Variants in TBC1D10B observed in about 807,000 individuals in gnomAD.
TBC1D10B encodes the protein TBC1 domain family member 10B, also known as Rab27A-GAPbeta.
TBC1D10B carries 25 observed loss-of-function variants against 78.4 expected under a neutral mutation model. The ratio of observed to expected loss-of-function variants is 0.32; its 90% CI spans 0.23 to 0.45. The LOEUF is 0.45. TBC1D10B is among the 20% of genes least tolerant of loss of function. The pLI is 1.00. For missense variants in TBC1D10B, 996 were observed against 1,104.8 expected (o/e 0.90, Z 1.40); for synonymous variants, 517 against 478.0 (o/e 1.08, Z -1.06).
chr16:30,359,635 G>T, intron 5 of TBC1D10B, 32 bp from the exon 6 acceptor site: 1 of 1,556,582 alleles, frequency 6.4e-7, no homozygotes, highest in South Asian at 1.2e-5. Flanking sequence ...AGGAGGGGTG[G>T]GGCCTGAGAA....
chr16:30,363,583 C>T (rs1042851546), intron 4 of TBC1D10B, among the ~76,000 whole-genome samples: 3 of 152,196 alleles, frequency 2.0e-5, no homozygotes, highest in East Asian at 1.9e-4. Flanking sequence ...TGATGAAAAC[C>T]CATCTCTATC....
rs772087591 is a variant in TBC1D10B at position 30,358,286 on chromosome 16, C to G, written c.2085G>C (p.Val695=). Residue 695 remains valine (V), a synonymous_variant, in exon 9 of 9, where the codon GTG becomes GTC. Coordinates refer to ENST00000409939, the MANE Select transcript of TBC1D10B (RefSeq NM_015527.4). Reference sequence around the variant, plus strand: ...ATGGATGCAGTCCCTCAGCAGTGACCACAGGCCCTGGGGCAGGCCCAGCAC... The same window carrying G: ...ATGGATGCAGTCCCTCAGCAGTGACGACAGGCCCTGGGGCAGGCCCAGCAC... ...RASAGPAPGP[V]VTAEGLHPSL... The G allele has an allele frequency of 6.3e-7, 1 of 1,584,338 alleles. No homozygotes were observed. Among genetic ancestry groups the G allele is most frequent in the Non-Finnish European group, 8.6e-7 (1 of 1,165,446 alleles).
At chr16:30,366,268 G>C (rs1433792245) in intron 1 of TBC1D10B, 3 of 152,360 alleles carry the variant, frequency 2.0e-5, no homozygotes, top group Non-Finnish European at 2.9e-5. Flanking sequence ...ACTTTGGGAG[G>C]CCGAGGCAGG....
rs2049674903 is a variant in TBC1D10B at position 30,370,037 on chromosome 16, G to A, written c.147C>T (p.Pro49=). ...CCTCCCCGGGGGCCACCAGGGTGAC[G>A]GGGGCCGAAGTGGCCGTAGTCACTG... ...GPPVTTATSA[P]VTLVAPGEAR... Residue 49 remains proline, a synonymous_variant, in exon 1 of 9, where the codon CCC becomes CCT. Coordinates refer to ENST00000409939, the MANE Select transcript of TBC1D10B (RefSeq NM_015527.4). 1.6e-6 allele frequency: 2 copies of A among 1,230,332 alleles called. No individual in the cohort carries two copies. Among genetic ancestry groups the A allele is most frequent in the Admixed American group, 8.5e-5 (2 of 23,596 alleles). 76.2% of individuals were successfully genotyped at this position (1,230,332 alleles called of 1,614,324 possible).
chr16:30,363,494 G>A (rs987947414), intron 4 of TBC1D10B, among the ~76,000 whole-genome samples: 4 of 152,148 alleles, frequency 2.6e-5, no homozygotes, highest in Non-Finnish European at 4.4e-5. Context: ...AGTGGCTCAC[G>A]CCTGTAATCC....
At position 30,359,934 on chromosome 16, in the gene TBC1D10B, G is replaced by C; in HGVS notation, c.1272-93C>G. ...AGATTCGTCCCAGAGTTTATCACCA[G>C]GCTCCTCCATCCACCTGCCCAGTCC... is the stretch of plus-strand genomic sequence containing the variant. On this transcript the variant is annotated intron_variant, in intron 4 of 8. Coordinates refer to ENST00000409939, the MANE Select transcript of TBC1D10B (RefSeq NM_015527.4). 2.6e-6 allele frequency: 3 copies of C among 1,165,822 alleles called. No homozygotes were observed. In the South Asian group the frequency reaches 4.5e-5, roughly 17 times the overall value. 72.2% of individuals were successfully genotyped at this position (1,165,822 alleles called of 1,614,324 possible).
At chr16:30,368,655 G>C (rs1455781962) in intron 1 of TBC1D10B, among the ~76,000 whole-genome samples, 2 of 152,148 alleles carry the variant, frequency 1.3e-5, no homozygotes, top group Admixed American at 1.3e-4. Flanking sequence ...CTTTACTTCA[G>C]TGCAGATACA....
Position 30,370,062 on chromosome 16 carries a change from G to A in TBC1D10B, c.122C>T (p.Pro41Leu), listed in dbSNP as rs554981185. The change falls in exon 1 of 9, where the codon CCA becomes CTA. Residue 41 changes from proline (P) to leucine (L), a missense_variant. By Grantham distance (98) the Pro-to-Leu change is moderately conservative (BLOSUM62 -3). Around this residue, in one of 5 missense-constraint regions of TBC1D10B, gnomAD observed 448 missense variants for 442.1 expected, o/e 1.01. Transcript: ENST00000409939. ...GPVVVVAPGP[P>L]VTTATSAPVT... ...GGGGGCCGAAGTGGCCGTAGTCACT[G>A]GAGGTCCCGGAGCCACCACCACGAC... The A allele has an allele frequency of 3.2e-5, 39 of 1,227,744 alleles. No individual in the cohort carries two copies. Among genetic ancestry groups the A allele is most frequent in the Non-Finnish European group, 3.8e-5 (37 of 985,374 alleles). 76.1% of individuals were successfully genotyped at this position (1,227,744 alleles called of 1,614,324 possible).
Position 30,365,396 on chromosome 16 carries a change from G to A in TBC1D10B, c.1056+99C>T. The A allele has an allele frequency of 6.9e-7, 1 of 1,440,124 alleles. No homozygotes were observed. The highest frequency in any genetic ancestry group is 9.8e-7 in the Non-Finnish European group (1 of 1,023,306). 89.2% of individuals were successfully genotyped at this position (1,440,124 alleles called of 1,614,324 possible). ...CCAGGGCCCATCTATCCCCAGTGTG[G>A]TCCAGAGGGCAGATATTATCGGCTT... On this transcript the variant is annotated intron_variant, in intron 2 of 8. Transcript: ENST00000409939. The surrounding 1 kb of genome is among the most constrained non-coding windows in gnomAD (Gnocchi z 5.0).
Position 30,365,212 on chromosome 16 carries a change from C to T in TBC1D10B, c.1057G>A (p.Val353Met). The change falls in exon 3 of 9, where the codon GTG becomes ATG. Residue 353 changes from valine (V) to methionine (M), a missense_variant and splice_region_variant. Val to Met is a conservative substitution (Grantham distance 21). Coordinates refer to ENST00000409939, the MANE Select transcript of TBC1D10B (RefSeq NM_015527.4). The surrounding 1 kb of genome is among the most constrained non-coding windows in gnomAD (Gnocchi z 5.0). ...ATCCCCTTCCGGCAGCGCAGCTTCA[C>T]CTAAGGCAAAGTGGCAGGAGGGGGA... ...DKWLSRRFQK[V>M]KLRCRKGIPS... is the part of the protein sequence containing the mutation. 2 of 1,613,790 alleles carry T rather than the reference C, an allele frequency of 1.2e-6. No homozygotes were observed. The highest frequency in any genetic ancestry group is 1.6e-4 in the Middle Eastern group (1 of 6,062).
intron 4 of TBC1D10B, among the ~76,000 whole-genome samples, chr16:30,362,012 A>G (rs914576553): frequency 6.6e-6 from 1 of 151,678 alleles, no homozygotes; most frequent in African/African-American, 2.4e-5. Context: ...ATGCCTGGCT[A>G]ATTTTTTGTA....
chr16:30,361,840 C>T (rs1368138297), intron 4 of TBC1D10B, among the ~76,000 whole-genome samples: 1 of 151,644 alleles, frequency 6.6e-6, no homozygotes, highest in Non-Finnish European at 1.5e-5. Context: ...CACCTGCCAC[C>T]ACACCAAGCT....
chr16:30,357,809 G>C lies in TBC1D10B; in HGVS notation c.*135C>G. On this transcript the variant is annotated 3_prime_UTR_variant, in exon 9 of 9. Transcript: ENST00000409939. Reference sequence around the variant, plus strand: ...GCCCGTGTAGGGATCAGCAGCTGGCGAGGAGATGGGGAACCAAGCCACTTT... The same window carrying C: ...GCCCGTGTAGGGATCAGCAGCTGGCCAGGAGATGGGGAACCAAGCCACTTT... 1 of 1,225,444 alleles carries C rather than the reference G, an allele frequency of 8.2e-7. No individual in the cohort carries two copies. Among genetic ancestry groups the C allele is most frequent in the Non-Finnish European group, 1.1e-6 (1 of 905,720 alleles). 75.9% of individuals were successfully genotyped at this position (1,225,444 alleles called of 1,614,324 possible).
Position 30,365,375 on chromosome 16 carries a change from G to C in TBC1D10B, c.1056+120C>G. Reference sequence around the variant, plus strand: ...ATTTTTAAAGCCATTCCCCCGCCAGGGCCCATCTATCCCCAGTGTGGTCCA... The same window carrying C: ...ATTTTTAAAGCCATTCCCCCGCCAGCGCCCATCTATCCCCAGTGTGGTCCA... On this transcript the variant is annotated intron_variant, in intron 2 of 8. Coordinates refer to ENST00000409939, the MANE Select transcript of TBC1D10B (RefSeq NM_015527.4). The surrounding 1 kb of genome is among the most constrained non-coding windows in gnomAD (Gnocchi z 5.0). The C allele has an allele frequency of 7.5e-7, 1 of 1,329,172 alleles. No individual in the cohort carries two copies. Among genetic ancestry groups the C allele is most frequent in the East Asian group, 2.3e-5 (1 of 43,266 alleles). The allele number at this position is 1,329,172 out of a possible 1,614,324, so 82.3% of individuals were successfully genotyped here. A position where few individuals can be genotyped will look rare whatever the true frequency, so the allele number is the denominator to read the frequency against.
chr16:30,360,971 T>C (rs1166970514), intron 4 of TBC1D10B, among the ~76,000 whole-genome samples: 1 of 151,982 alleles, frequency 6.6e-6, no homozygotes, highest in Non-Finnish European at 1.5e-5. Context: ...CCACATGCTG[T>C]TATTTGAGTT....
intron 4 of TBC1D10B, among the ~76,000 whole-genome samples, chr16:30,361,496 C>T (rs926165252): frequency 3.9e-5 from 6 of 152,148 alleles, no homozygotes; most frequent in Non-Finnish European, 1.5e-5. Flanking sequence ...ATGGTGCGAT[C>T]CCAGCTCACG....
Position 30,358,088 on chromosome 16 carries a change from C to T in TBC1D10B, c.2283G>A (p.Glu761=). ...GCTTCTGCCGCTCCTTCTCCTGCTT[C>T]TCTCGCTCCTTTTCCTGCTTCTCTC... ...KEREKQEKER[E]KQEKERQKQE... The change falls in exon 9 of 9, where the codon GAG becomes GAA. Residue 761 remains glutamate, a synonymous_variant. Coordinates refer to ENST00000409939, the MANE Select transcript of TBC1D10B (RefSeq NM_015527.4). 6.5e-7 allele frequency: 1 copy of T among 1,550,328 alleles called. No homozygotes were observed. The highest frequency in any genetic ancestry group is 8.7e-7 in the Non-Finnish European group (1 of 1,145,616).
At position 30,363,833 on chromosome 16, in the gene TBC1D10B, C is replaced by T. The variant is rs574807899; in HGVS notation, c.1271+1067G>A. On this transcript the variant is annotated intron_variant, in intron 4 of 8. Transcript: ENST00000409939. ...TGAATTATTGATTTAAAAAATTGTC[C>T]GGCTGACCGTGTTGGCTCACGCCTA... Among the ~76,000 whole-genome samples, 4 of 152,078 alleles carry T rather than the reference C, an allele frequency of 2.6e-5. No individual in the cohort carries two copies. In the East Asian group the frequency reaches 5.8e-4, roughly 22 times the overall value.
chr16:30,359,642 A>AGAAGCAG, intron 5 of TBC1D10B, 39 bp from the exon 6 acceptor site: 1 of 1,555,458 alleles, frequency 6.4e-7, no homozygotes. Flanking sequence ...GTGGGGCCTG[A>AGAAGCAG]GAAGCAGGGA....
Sources: gnomAD v4.1 joint callset for allele counts (sites outside exome capture counted in the v4.1 genomes callset) on GRCh38, gnomAD v4.1.1 for gene constraint, gnomAD v4.1.1 regional missense constraint, Gnocchi (gnomAD v3.1) non-coding constraint, MANE v1.5 for transcripts, NCBI Gene and HGNC (gene_info 2026-07-23, HGNC 2026-07-21) for gene names.